The following IRAG2 variants were observed in gnomAD, a reference collection of about 807,000 sequenced individuals.
IRAG2 encodes the protein lymphoid restricted membrane protein.
In IRAG2, 45 loss-of-function variants were observed where a neutral mutation model predicts 69.9. That is an observed-to-expected ratio of 0.64 (90% CI 0.51 to 0.83). The LOEUF (loss-of-function observed/expected upper bound fraction) is 0.83, where lower values mean the gene tolerates loss of function less well. Ranked by LOEUF, IRAG2 falls within the 40% of genes least tolerant of loss-of-function variation. IRAG2 has a pLI of 0.00. For synonymous variants in IRAG2, 193 were observed against 202.4 expected, an observed-to-expected ratio of 0.95 and a Z score of 0.40; for missense variants, 520 against 587.0, an observed-to-expected ratio of 0.89 and a Z score of 1.18.
At chr12:25,018,193 CTTTTTT>C (rs56659655) in intron 6 of IRAG2, among the ~76,000 whole-genome samples, 1 of 105,550 alleles carries the variant, frequency 9.5e-6, no homozygotes, top group Non-Finnish European at 1.8e-5. Flanking sequence ...TTTCTTTCTT[CTTTTTT>C]TTTTTTTTTT....
At position 25,103,855 on chromosome 12, in the gene IRAG2, G is replaced by A. The variant is rs777408312; in HGVS notation, c.952G>A (p.Val318Met). Residue 318 changes from valine (V) to methionine (M), a missense_variant, in exon 18 of 22, where the codon GTG (valine) becomes ATG (methionine). By Grantham distance (21) the Val-to-Met change is conservative. Coordinates refer to ENST00000556887, the MANE Select transcript of IRAG2 (RefSeq NM_001366544.2). ...LNSKPSSLRR[V>M]TIASLPRNIG... ...CTGGTAGCCATCTTCTCTACGAAGA[G>A]TGACTATTGCCTCTTTACCCAGAAA... 1 of 1,612,948 alleles carries A rather than the reference G, an allele frequency of 6.2e-7. No homozygotes were observed. The highest frequency in any genetic ancestry group is 1.7e-5 in the Admixed American group (1 of 60,020).
chr12:25,096,329 G>A (rs530630756), intron 14 of IRAG2, among the ~76,000 whole-genome samples: 7 of 152,262 alleles, frequency 4.6e-5, no homozygotes, highest in East Asian at 1.9e-4. Context: ...CACAGGTAAT[G>A]AGCAGTGTCA....
At chr12:25,072,323 G>A (rs1418056296) in intron 6 of IRAG2, among the ~76,000 whole-genome samples, 3 of 152,198 alleles carry the variant, frequency 2.0e-5, no homozygotes, top group Admixed American at 2.0e-4. Context: ...GTCTTCTGTA[G>A]TTTGCAACAG....
In IRAG2 at chr12:25,058,260, G is replaced by A. The variant is rs185197024; in HGVS notation, c.-446-3332G>A. Among the ~76,000 whole-genome samples the A allele has an allele frequency of 1.6e-4, 25 of 152,270 alleles. No homozygotes were observed. The East Asian group carries it at 4.0e-3, about 25-fold the overall frequency. The stretch of plus-strand genomic sequence containing the variant: ...TTCCACATCTTCAGTATTTGGTAGT[G>A]TTAATCTTTGTCATTTTAGCCACTC... On this transcript the variant is annotated intron_variant, in intron 1 of 21. Transcript: ENST00000556887.
intron 4 of IRAG2, among the ~76,000 whole-genome samples, 167 bp from the exon 5 acceptor site, chr12:25,066,198 C>T (rs548165482): frequency 6.6e-6 from 1 of 151,914 alleles, no homozygotes; most frequent in Non-Finnish European, 1.5e-5. Context: ...AAGCATTTGA[C>T]GTTTTTACCC....
At position 25,087,180 on chromosome 12, in the gene IRAG2, T is replaced by TTTTTTTTGTTG. The variant is rs1450270058; in HGVS notation, c.316-918_316-917insTTTTTGTTGTT. Among the ~76,000 whole-genome samples the TTTTTTTTGTTG allele has an allele frequency of 8.5e-4, 107 of 125,220 alleles. 4 individuals carry two copies. The highest frequency in any genetic ancestry group is 3.3e-3 in the African/African-American group (106 of 32,048). 82.1% of individuals were successfully genotyped at this position (125,220 alleles called of 152,430 possible). Reference sequence around the variant, plus strand: ...TTTTTTTTTTTTTTTTTTTTTTTTTTTTGTTGAGACAGAGCCTTGCACTGC... The same window carrying TTTTTTTTGTTG: ...TTTTTTTTTTTTTTTTTTTTTTTTTTTTTTTTTGTTGTTGTTGAGACAGAGCCTTGCACTGC... On this transcript the variant is annotated intron_variant, in intron 10 of 21. Coordinates refer to ENST00000556887, the MANE Select transcript of IRAG2 (RefSeq NM_001366544.2).
chr12:25,038,175 A>T (rs951903736), intron 16 of IRAG2: 11 of 398,324 alleles, frequency 2.8e-5, no homozygotes, highest in African/African-American at 6.2e-5. Flanking sequence ...CATGCTTTAT[A>T]TACATGACAT....
intron 10 of IRAG2, among the ~76,000 whole-genome samples, chr12:25,085,678 C>T (rs545092435): frequency 4.7e-5 from 7 of 147,852 alleles, no homozygotes; most frequent in African/African-American, 1.9e-4. Flanking sequence ...AGGCACAGGC[C>T]TGAGGGTGGA....
At chr12:25,073,838 T>C (rs977794096) in intron 6 of IRAG2, among the ~76,000 whole-genome samples, 10 of 152,240 alleles carry the variant, frequency 6.6e-5, no homozygotes, top group African/African-American at 2.4e-4. Context: ...ATGTCTGCCA[T>C]TTGCTTCAAA....
At chr12:25,021,483 G>T (rs1944580715) in intron 7 of IRAG2, among the ~76,000 whole-genome samples, 2 of 152,048 alleles carry the variant, frequency 1.3e-5, no homozygotes, top group African/African-American at 4.8e-5. Flanking sequence ...GTACTTGCAG[G>T]TTACTGAGAA....
intron 9 of IRAG2, among the ~76,000 whole-genome samples, chr12:25,027,682 C>T (rs1944634986): frequency 6.6e-6 from 1 of 152,184 alleles, no homozygotes; most frequent in Non-Finnish European, 1.5e-5. Flanking sequence ...GCATGAGCCA[C>T]TGCACCCGGC....
upstream of IRAG2, among the ~76,000 whole-genome samples, chr12:25,003,285 T>C (rs1266383771): frequency 6.6e-6 from 1 of 152,240 alleles, no homozygotes; most frequent in East Asian, 1.9e-4. Context: ...TATTCAACTA[T>C]TTGTTGTAAC....
chr12:25,020,307 G>C (rs1312126711), intron 6 of IRAG2, among the ~76,000 whole-genome samples: 4 of 152,120 alleles, frequency 2.6e-5, no homozygotes, highest in African/African-American at 9.7e-5. Context: ...ATGTCATATA[G>C]AGACTTGGTA....
chr12:25,059,029 A>T (rs1945440752), intron 1 of IRAG2, among the ~76,000 whole-genome samples: 1 of 152,210 alleles, frequency 6.6e-6, no homozygotes, highest in Admixed American at 6.5e-5. Flanking sequence ...ACTGTTTCTA[A>T]AACCCAAGAT....
At chr12:25,073,180 T>A (rs1296986290) in intron 6 of IRAG2, among the ~76,000 whole-genome samples, 1 of 152,252 alleles carries the variant, frequency 6.6e-6, no homozygotes, top group Non-Finnish European at 1.5e-5. Context: ...ACCCTTGTAA[T>A]TCTCTGTGCC....
chr12:25,033,110 C>A (rs1944681077), intron 12 of IRAG2, among the ~76,000 whole-genome samples: 1 of 152,066 alleles, frequency 6.6e-6, no homozygotes, highest in South Asian at 2.1e-4. Flanking sequence ...GCATATGCCA[C>A]CATGCCTGGC....
chr12:25,042,586 C>T lies in IRAG2; in HGVS notation c.2144+4449C>T, dbSNP rs1307377871. ...GTTCAAGTGATTCTCCTGCTTCAGC[C>T]TCCTGAGTAGCTGGGACTACAGGCA... is the stretch of plus-strand genomic sequence containing the variant. On this transcript the variant is annotated intron_variant, in intron 16 of 38. Transcript: ENST00000636465. Among the ~76,000 whole-genome samples the T allele has an allele frequency of 3.3e-5, 5 of 152,058 alleles. No homozygotes were observed. In the South Asian group the frequency reaches 8.3e-4, roughly 25 times the overall value.
chr12:25,075,058 G>A lies in IRAG2; in HGVS notation c.25-4186G>A, dbSNP rs116587009. Among the ~76,000 whole-genome samples, 1,304 of 152,278 alleles carry A rather than the reference G, an allele frequency of 8.6e-3. 17 individuals are homozygous for A. Among genetic ancestry groups the A allele is most frequent in the African/African-American group, 0.03 (1,237 of 41,536 alleles). On this transcript the variant is annotated intron_variant, in intron 6 of 21. Coordinates refer to ENST00000556887, the MANE Select transcript of IRAG2 (RefSeq NM_001366544.2). The stretch of plus-strand genomic sequence containing the variant: ...TTATAAATGAACCTGAAAGTGGTGG[G>A]TGTAACCTGTAGATCTGAGGGTGTG...
chr12:25,076,409 TACAC>T, intron 6 of IRAG2: 1 of 979,700 alleles, frequency 1.0e-6, no homozygotes. Context: ...AAGAAGGCCT[TACAC>T]AGAGCATTAG....
Sources: allele counts gnomAD v4.1 joint callset (sites outside exome capture counted in the v4.1 genomes callset), GRCh38; gene constraint gnomAD v4.1.1; transcripts MANE v1.5; gene names NCBI Gene and HGNC (gene_info 2026-07-23, HGNC 2026-07-21).